MMP25: variants seen among roughly 807,000 people sequenced by gnomAD.
MMP25 encodes the protein matrix metallopeptidase 25, also known as matrix metalloproteinase-25.
Under a neutral mutation model 62.1 loss-of-function variants are expected in MMP25, and 68 were observed. The observed-to-expected ratio is 1.10, with a 90% confidence interval of 0.90 to 1.34. MMP25 has a LOEUF of 1.34. MMP25 is among the 40% of genes most tolerant of loss of function. The pLI is 0.00. For missense variants in MMP25, 942 were observed against 792.5 expected (o/e 1.19, Z -2.26); for synonymous variants, 407 against 345.6 (o/e 1.18, Z -1.97).
At chr16:3,049,150 T>G (rs928232399) in intron 2 of MMP25, among the ~76,000 whole-genome samples, 1 of 151,594 alleles carries the variant, frequency 6.6e-6, no homozygotes, top group African/African-American at 2.4e-5. Context: ...TGATGGAGAA[T>G]GGAAGGCAGG....
Position 3,050,243 on chromosome 16 carries a change from C to G in MMP25, c.369-11C>G. 6.9e-6 allele frequency: 11 copies of G among 1,582,998 alleles called. No individual in the cohort carries two copies. Among genetic ancestry groups the G allele is most frequent in the African/African-American group, 2.7e-5 (2 of 74,504 alleles). On this transcript the variant is annotated splice_polypyrimidine_tract_variant and intron_variant, in intron 3 of 9. Transcript: ENST00000336577. Reference sequence around the variant, plus strand: ...CACGGCCACCCTTACACCTCACTCCCCTCTCCCCAGGGTACGTTCCTTCCC... The same window carrying G: ...CACGGCCACCCTTACACCTCACTCCGCTCTCCCCAGGGTACGTTCCTTCCC...
At chr16:3,047,272 A>G (rs1189018711) in intron 1 of MMP25, 143 bp from the exon 2 acceptor site, 37 of 1,281,978 alleles carry the variant, frequency 2.9e-5, no homozygotes, top group Non-Finnish European at 3.5e-5. Flanking sequence ...GCGGGGACCT[A>G]TGGAGGGGAG....
At position 3,046,997 on chromosome 16, in the gene MMP25, A is replaced by T; in HGVS notation, c.80A>T (p.Gln27Leu). The change falls in exon 1 of 10, where the codon CAG becomes CTG. Residue 27 changes from glutamine (Q) to leucine (L), a missense_variant. Gln to Leu is a moderately radical substitution (Grantham distance 113, BLOSUM62 -2). Transcript: ENST00000336577. The stretch of plus-strand genomic sequence containing the variant: ...GCGCGCGCCCCGAAGCCCTCGGCGC[A>T]GGACGTGAGCCTGGGCGTGGTGAGC... ...PPARAPKPSA[Q>L]DVSLGVDWLT... is the part of the protein sequence containing the mutation. 1 of 1,469,776 alleles carries T rather than the reference A, an allele frequency of 6.8e-7. No homozygotes were observed. Among genetic ancestry groups the T allele is most frequent in the African/African-American group, 1.5e-5 (1 of 67,938 alleles). The allele number at this position is 1,469,776 out of a possible 1,614,324, so 91.0% of individuals were successfully genotyped here.
chr16:3,046,630 C>T lies in MMP25; in HGVS notation c.-288C>T, dbSNP rs533351186. On this transcript the variant is annotated 5_prime_UTR_variant, in exon 1 of 10. Coordinates refer to ENST00000336577, the MANE Select transcript of MMP25 (RefSeq NM_022468.5). ...AGCGCCCCGGGACCCCGAGAGGCCG[C>T]CGCGGCACATCCAGACCTCCGCCGC... 2,239 of 287,724 alleles carry T rather than the reference C, an allele frequency of 7.8e-3. 11 individuals carry two copies. Among genetic ancestry groups the T allele is most frequent in the Non-Finnish European group, 0.01 (1,556 of 155,102 alleles). 17.8% of individuals were successfully genotyped at this position (287,724 alleles called of 1,614,324 possible).
intron 7 of MMP25, 135 bp from the exon 8 acceptor site, chr16:3,058,046 A>G (rs1956043017): frequency 3.8e-6 from 4 of 1,064,956 alleles, no homozygotes; most frequent in Non-Finnish European, 5.4e-6. Flanking sequence ...CAGGCGGGCC[A>G]GGATGGGCTG....
At chr16:3,057,461 G>C in intron 6 of MMP25, 67 bp downstream of exon 6, 1 of 1,595,756 alleles carries the variant, frequency 6.3e-7, no homozygotes, top group Non-Finnish European at 8.6e-7. Context: ...CTCTGAGATG[G>C]GGATGGTGGG....
chr16:3,046,978 G>T lies in MMP25; in HGVS notation c.61G>T (p.Ala21Ser), dbSNP rs2151151175. The T allele has an allele frequency of 6.8e-7, 1 of 1,469,850 alleles. No individual in the cohort carries two copies. The highest frequency in any genetic ancestry group is 8.9e-7 in the Non-Finnish European group (1 of 1,118,632). 91.1% of individuals were successfully genotyped at this position (1,469,850 alleles called of 1,614,324 possible). A position where few individuals can be genotyped will look rare whatever the true frequency, so the allele number is the denominator to read the frequency against. ...TCTGCTGCTGGCACCGCCCGCGCGC[G>T]CCCCGAAGCCCTCGGCGCAGGACGT... is the stretch of plus-strand genomic sequence containing the variant. The part of the protein sequence containing the change: ...LLLLLAPPAR[A>S]PKPSAQDVSL... Residue 21 changes from alanine to serine, a missense_variant, in exon 1 of 10, where the codon GCC becomes TCC. Coordinates refer to ENST00000336577, the MANE Select transcript of MMP25 (RefSeq NM_022468.5).
In MMP25 at chr16:3,057,336, A is replaced by G; in HGVS notation, c.865A>G (p.Lys289Glu). 6.2e-7 allele frequency: 1 copy of G among 1,613,804 alleles called. No homozygotes were observed. The highest frequency in any genetic ancestry group is 8.5e-7 in the Non-Finnish European group (1 of 1,179,922). ...GAAGGCGCCCCAAACCCCATATGAC[A>G]AGCCCACAAGGAAACCCCTGGCTCC... is the stretch of plus-strand genomic sequence containing the variant. ...YGKAPQTPYD[K>E]PTRKPLAPPP... The change falls in exon 6 of 10, where the codon AAG becomes GAG. Residue 289 changes from lysine to glutamate, a missense_variant. Lys to Glu is a moderately conservative substitution (Grantham distance 56). Coordinates refer to ENST00000336577, the MANE Select transcript of MMP25 (RefSeq NM_022468.5).
chr16:3,057,408 C>T lies in MMP25; in HGVS notation c.923+14C>T. On this transcript the variant is annotated intron_variant, in intron 6 of 9. Coordinates refer to ENST00000336577, the MANE Select transcript of MMP25 (RefSeq NM_022468.5). Reference sequence around the variant, plus strand: ...GCCCACACACAGGTGAGTCCCCCACCAACTCGGAGACCTTGGGTGACCAGC... The same window carrying T: ...GCCCACACACAGGTGAGTCCCCCACTAACTCGGAGACCTTGGGTGACCAGC... 1 of 1,608,648 alleles carries T rather than the reference C, an allele frequency of 6.2e-7. No homozygotes were observed. Among genetic ancestry groups the T allele is most frequent in the Admixed American group, 1.7e-5 (1 of 59,696 alleles).
Position 3,059,321 on chromosome 16 carries a change from C to G in MMP25, c.*223C>G, listed in dbSNP as rs1391625043. On this transcript the variant is annotated 3_prime_UTR_variant, in exon 10 of 10. Transcript: ENST00000336577. Reference sequence around the variant, plus strand: ...CTCCTCAGGGTCTGAGACCCCGGCGCTGCCACCGGAACCCGCCTTCAGGGG... The same window carrying G: ...CTCCTCAGGGTCTGAGACCCCGGCGGTGCCACCGGAACCCGCCTTCAGGGG... The G allele has an allele frequency of 4.5e-6, 2 of 443,544 alleles. No individual in the cohort carries two copies. The highest frequency in any genetic ancestry group is 7.5e-6 in the Non-Finnish European group (2 of 265,210). The allele number at this position is 443,544 out of a possible 1,614,324, so 27.5% of individuals were successfully genotyped here.
In MMP25 at chr16:3,059,284, G is replaced by C. The variant is rs992445466; in HGVS notation, c.*186G>C. 1 of 668,350 alleles carries C rather than the reference G, an allele frequency of 1.5e-6. No homozygotes were observed. Among genetic ancestry groups the C allele is most frequent in the Non-Finnish European group, 2.3e-6 (1 of 430,498 alleles). The allele number at this position is 668,350 out of a possible 1,614,324, so 41.4% of individuals were successfully genotyped here. On this transcript the variant is annotated 3_prime_UTR_variant, in exon 10 of 10. Transcript: ENST00000336577. The stretch of plus-strand genomic sequence containing the variant: ...CGGCGGCGGGGACCGGTCGCCTGGC[G>C]CTGGGCTCAGTCTCCTCAGGGTCTG...
intron 1 of MMP25, 50 bp downstream of exon 1, chr16:3,047,066 G>T: frequency 7.2e-7 from 1 of 1,388,404 alleles, no homozygotes; most frequent in South Asian, 1.6e-5. Context: ...GATTGGGAGA[G>T]GGAAGCCGGG....
At position 3,050,470 on chromosome 16, in the gene MMP25, C is replaced by T; in HGVS notation, c.585C>T (p.Ala195=). ...GGTTGGGGGGCACCCTAGCCCATGC[C>T]TTCTTCCCTGGGGAGCACCCCATCT... The part of the protein sequence containing the change: ...FDGLGGTLAH[A]FFPGEHPISG... The change falls in exon 4 of 10, where the codon GCC becomes GCT. Residue 195 remains alanine, a synonymous_variant. Coordinates refer to ENST00000336577, the MANE Select transcript of MMP25 (RefSeq NM_022468.5). 6.2e-7 allele frequency: 1 copy of T among 1,611,894 alleles called. No individual in the cohort carries two copies. The highest frequency in any genetic ancestry group is 8.5e-7 in the Non-Finnish European group (1 of 1,178,730).
At chr16:3,050,175 C>T in intron 3 of MMP25, 31 bp downstream of exon 3, 1 of 1,586,790 alleles carries the variant, frequency 6.3e-7, no homozygotes, top group South Asian at 1.1e-5. Context: ...GCACCCTGGC[C>T]CTGCCTGCTG....
Position 3,059,282 on chromosome 16 carries a change from G to T in MMP25, c.*184G>T, listed in dbSNP as rs867007306. The T allele has an allele frequency of 8.7e-6, 6 of 689,898 alleles. 1 individual carries two copies. The highest frequency in any genetic ancestry group is 8.5e-4 in the Middle Eastern group (2 of 2,342). The allele number at this position is 689,898 out of a possible 1,614,324, so 42.7% of individuals were successfully genotyped here. On this transcript the variant is annotated 3_prime_UTR_variant, in exon 10 of 10. Coordinates refer to ENST00000336577, the MANE Select transcript of MMP25 (RefSeq NM_022468.5). Reference sequence around the variant, plus strand: ...GGCGGCGGCGGGGACCGGTCGCCTGGCGCTGGGCTCAGTCTCCTCAGGGTC... The same window carrying T: ...GGCGGCGGCGGGGACCGGTCGCCTGTCGCTGGGCTCAGTCTCCTCAGGGTC...
Position 3,047,010 on chromosome 16 carries a change from G to A in MMP25, c.93G>A (p.Leu31=). 6.9e-7 allele frequency: 1 copy of A among 1,452,004 alleles called. No homozygotes were observed. Among genetic ancestry groups the A allele is most frequent in the Non-Finnish European group, 9.0e-7 (1 of 1,109,724 alleles). The allele number at this position is 1,452,004 out of a possible 1,614,324, so 89.9% of individuals were successfully genotyped here. ...APKPSAQDVS[L]GVDWLTRYGY... is the part of the protein sequence containing the mutation. ...AGCCCTCGGCGCAGGACGTGAGCCT[G>A]GGCGTGGTGAGCGCGGGGTCCGCAG... is the stretch of plus-strand genomic sequence containing the variant. Residue 31 remains leucine, a synonymous_variant, in exon 1 of 10, where the codon CTG becomes CTA. Transcript: ENST00000336577.
Position 3,047,023 on chromosome 16 carries a change from GC to G in MMP25, c.99+8del. The G allele has an allele frequency of 7.0e-7, 1 of 1,434,330 alleles. No individual in the cohort carries two copies. The highest frequency in any genetic ancestry group is 9.1e-7 in the Non-Finnish European group (1 of 1,101,574). 88.9% of individuals were successfully genotyped at this position (1,434,330 alleles called of 1,614,324 possible). On this transcript the variant is annotated splice_region_variant and intron_variant, in intron 1 of 9. Coordinates refer to ENST00000336577, the MANE Select transcript of MMP25 (RefSeq NM_022468.5). ...GGACGTGAGCCTGGGCGTGGTGAGC[GC>G]GGGGTCCGCAGGCTCCTGGGGTCTG...
At chr16:3,048,907 G>C (rs1284086189) in intron 2 of MMP25, among the ~76,000 whole-genome samples, 1 of 151,444 alleles carries the variant, frequency 6.6e-6, no homozygotes, top group Non-Finnish European at 1.5e-5. Context: ...CCGGGTTCAA[G>C]TGATTCTCCT....
rs1227145741 is a variant in MMP25, at chr16:3,058,522, C to T, written c.1270C>T (p.Gln424Ter). Residue 424 changes from glutamine to a stop codon, truncating the protein, a stop_gained, in exon 9 of 10, where the codon CAG becomes TAG. Transcript: ENST00000336577. LOFTEE classifies it high-confidence loss of function. The stretch of plus-strand genomic sequence containing the variant: ...GGTGGACGCCGTGTTCTCGTGGCCA[C>T]AGAACGGGAAGACCTACCTGGTCCG... ...EEVDAVFSWPQNGKTYLVRGR... is the reference protein window; with the variant it reads ...EEVDAVFSWP 3.7e-6 allele frequency: 6 copies of T among 1,610,798 alleles called. No individual in the cohort carries two copies. In the Admixed American group the frequency reaches 5.0e-5, roughly 13 times the overall value.
Sources: gnomAD v4.1 joint callset for allele counts (sites outside exome capture counted in the v4.1 genomes callset) on GRCh38, gnomAD v4.1.1 for gene constraint, MANE v1.5 for transcripts, NCBI Gene and HGNC (gene_info 2026-07-23, HGNC 2026-07-21) for gene names.